The following THOP1 variants were observed in gnomAD, a reference collection of about 807,000 sequenced individuals.
THOP1 encodes the protein thimet oligopeptidase 1.
A neutral mutation model predicts 71.8 loss-of-function variants in THOP1; 49 were observed. The observed-to-expected ratio is 0.68, with a 90% CI of 0.54 to 0.87. The LOEUF (loss-of-function observed/expected upper bound fraction) is 0.87. Among genes scored for constraint, THOP1 ranks in the 40% least tolerant of loss-of-function variants. THOP1 has a pLI of 0.00. For synonymous variants in THOP1, 426 were observed against 421.5 expected, an observed-to-expected ratio of 1.01 and a Z score of -0.13; for missense variants, 843 against 975.6, an observed-to-expected ratio of 0.86 and a Z score of 1.81.
chr19:2,810,099 G>T, intron 9 of THOP1: 1 of 624,440 alleles, frequency 1.6e-6, no homozygotes. Context: ...GCATCTTCAG[G>T]TGTGTCCTGC....
chr19:2,808,169 C>T, intron 8 of THOP1, 74 bp from the exon 9 acceptor site: 1 of 1,483,178 alleles, frequency 6.7e-7, no homozygotes. Context: ...GTCAGGTGGG[C>T]TGAGGGATGC....
Position 2,785,562 on chromosome 19 carries a change from T to TGGCGGCGGTGG in THOP1, c.-92_-91insGGGGCGGCGGT. 7 of 1,359,434 alleles carry TGGCGGCGGTGG rather than the reference T, an allele frequency of 5.1e-6. No individual in the cohort carries two copies. The highest frequency in any genetic ancestry group is 6.8e-6 in the Non-Finnish European group (7 of 1,032,968). 84.2% of individuals were successfully genotyped at this position (1,359,434 alleles called of 1,614,324 possible). A position where few individuals can be genotyped will look rare whatever the true frequency, so the allele number is the denominator to read the frequency against. On this transcript the variant is annotated 5_prime_UTR_variant, in exon 1 of 13. Transcript: ENST00000307741. ...GGTCCTCAGGCGGCCGTGGCGGCGG[T>TGGCGGCGGTGG]GGCGGCGGTTGGGCCGAGGCAGGCG...
Position 2,810,321 on chromosome 19 carries a change from CAGCGGGACCCACGTGG to C in THOP1, c.1482_1497del (p.His495LeufsTer134). On this transcript the variant is annotated frameshift_variant, in exon 10 of 13. Coordinates refer to ENST00000307741, the MANE Select transcript of THOP1 (RefSeq NM_003249.5). LOFTEE classifies it high-confidence loss of function. Reference sequence around the variant, plus strand: ...CCCTGCAGGCGGAGTTCGCCATGTTCAGCGGGACCCACGTGGAGCGGGACTTTGTGGAGGCGCCGTC... The same window carrying C: ...CCCTGCAGGCGGAGTTCGCCATGTTCAGCGGGACTTTGTGGAGGCGCCGTC... The C allele has an allele frequency of 6.2e-7, 1 of 1,611,478 alleles. No homozygotes were observed. Among genetic ancestry groups the C allele is most frequent in the South Asian group, 1.1e-5 (1 of 90,964 alleles).
At chr19:2,800,735 C>A (rs1311930252) in intron 5 of THOP1, among the ~76,000 whole-genome samples, 2 of 152,224 alleles carry the variant, frequency 1.3e-5, no homozygotes, top group Non-Finnish European at 2.9e-5. Flanking sequence ...CAGCTTCTGG[C>A]ACTCAGGAGA....
At chr19:2,800,820 A>G (rs532938597) in intron 5 of THOP1, among the ~76,000 whole-genome samples, 1 of 151,842 alleles carries the variant, frequency 6.6e-6, no homozygotes. Context: ...CACCCGCACC[A>G]TTCCCGCAGC....
In THOP1 at chr19:2,808,246, A is replaced by G. The variant is rs1368418844; in HGVS notation, c.1257A>G (p.Glu419=). 13 of 1,545,628 alleles carry G rather than the reference A, an allele frequency of 8.4e-6. No individual in the cohort carries two copies. Among genetic ancestry groups the G allele is most frequent in the Non-Finnish European group, 4.4e-6 (5 of 1,143,588 alleles). The part of the protein sequence containing the change: ...GKFYLDLYPR[E]GKYGHAACFG... ...CTGACGCTGCCTCCCTCCCCAGGGA[A>G]GGAAAGTACGGGCACGCGGCCTGCT... The change falls in exon 9 of 13, where the codon GAA becomes GAG. Residue 419 remains glutamate (E), a synonymous_variant. Coordinates refer to ENST00000307741, the MANE Select transcript of THOP1 (RefSeq NM_003249.5).
chr19:2,812,654 C>T (rs1410131127), intron 12 of THOP1, among the ~76,000 whole-genome samples: 1 of 152,214 alleles, frequency 6.6e-6, no homozygotes, highest in Non-Finnish European at 1.5e-5. Context: ...TCCTGCGGGG[C>T]TCTGGGGCGT....
chr19:2,791,250 C>T lies in THOP1; in HGVS notation c.229+617C>T, dbSNP rs1255500356. Reference sequence around the variant, plus strand: ...TAGGGACACTGCTTCCCGAGCTCTGCCTAAGGCTGACAGTGTACCTGCCTG... The same window carrying T: ...TAGGGACACTGCTTCCCGAGCTCTGTCTAAGGCTGACAGTGTACCTGCCTG... On this transcript the variant is annotated intron_variant, in intron 2 of 12. Transcript: ENST00000307741. Among the ~76,000 whole-genome samples the T allele has an allele frequency of 2.0e-5, 3 of 152,332 alleles. No homozygotes were observed. In the East Asian group the frequency reaches 5.8e-4, roughly 29 times the overall value.
chr19:2,794,723 G>A (rs758616563), intron 2 of THOP1, 41 bp from the exon 3 acceptor site: 6 of 1,589,226 alleles, frequency 3.8e-6, no homozygotes, highest in Non-Finnish European at 4.3e-6. Context: ...TTGTACTGGG[G>A]CCTGTTCTCA....
chr19:2,810,730 G>A lies in THOP1; in HGVS notation c.1733G>A (p.Arg578Gln), dbSNP rs368835211. The A allele has an allele frequency of 4.2e-5, 67 of 1,598,590 alleles. No individual in the cohort carries two copies. The highest frequency in any genetic ancestry group is 3.5e-4 in the African/African-American group (26 of 74,764). The change falls in exon 11 of 13, where the codon CGG (arginine) becomes CAG (glutamine). Residue 578 changes from arginine to glutamine, a missense_variant. By Grantham distance (43) the Arg-to-Gln change is conservative. Transcript: ENST00000307741. The stretch of plus-strand genomic sequence containing the variant: ...GCAGACCCCGCCGAGGAGTATGCGC[G>A]GCTCTGCCAGGAGATCCTCGGGGTC... ...TDADPAEEYA[R>Q]LCQEILGVPA...
intron 9 of THOP1, 175 bp from the exon 10 acceptor site, chr19:2,810,129 C>A (rs1263084861): frequency 1.3e-6 from 1 of 786,022 alleles, no homozygotes; most frequent in Non-Finnish European, 2.0e-6. Context: ...CAGCCAGCAG[C>A]AGCCCAGGGG....
intron 4 of THOP1, among the ~76,000 whole-genome samples, chr19:2,796,616 G>C (rs1371856041): frequency 6.6e-6 from 1 of 150,530 alleles, no homozygotes; most frequent in African/African-American, 2.4e-5. Flanking sequence ...TGGGCACGGG[G>C]AGTGCTCAGT....
At position 2,807,684 on chromosome 19, in the gene THOP1, C is replaced by T. The variant is rs751370013; in HGVS notation, c.1129C>T (p.Leu377=). The change falls in exon 8 of 13, where the codon CTG becomes TTG. Residue 377 remains leucine, a synonymous_variant. Coordinates refer to ENST00000307741, the MANE Select transcript of THOP1 (RefSeq NM_003249.5). ...GCTGCTGGGCATCTACCAGGAGCTCCTGGGGCTGGCCTTCCACCACGAGGA... is the reference window on the plus strand; with the variant it reads ...GCTGCTGGGCATCTACCAGGAGCTCTTGGGGCTGGCCTTCCACCACGAGGA... ...HGLLGIYQEL[L]GLAFHHEEGA... is the part of the protein sequence containing the mutation. 1 of 1,605,634 alleles carries T rather than the reference C, an allele frequency of 6.2e-7. No individual in the cohort carries two copies. The highest frequency in any genetic ancestry group is 1.1e-5 in the South Asian group (1 of 90,912).
Position 2,798,980 on chromosome 19 carries a change from A to G in THOP1, c.487-709A>G, listed in dbSNP as rs1370267775. Among the ~76,000 whole-genome samples the G allele has an allele frequency of 2.0e-5, 3 of 152,260 alleles. No homozygotes were observed. In the East Asian group the frequency reaches 5.8e-4, roughly 29 times the overall value. ...TCCTTTGTTGATATCCCATATCACC[A>G]GGGTCGAGTTTTAGCTGTTTCTAAA... On this transcript the variant is annotated intron_variant, in intron 4 of 12. Transcript: ENST00000307741.
At chr19:2,798,800 A>C (rs1312311671) in intron 4 of THOP1, among the ~76,000 whole-genome samples, 1 of 152,086 alleles carries the variant, frequency 6.6e-6, no homozygotes, top group Non-Finnish European at 1.5e-5. Context: ...TGGGCTCCAG[A>C]CCCGCCTGGC....
chr19:2,789,206 G>A (rs930417667), intron 1 of THOP1, among the ~76,000 whole-genome samples: 16 of 152,238 alleles, frequency 1.1e-4, no homozygotes, highest in African/African-American at 3.6e-4. Flanking sequence ...ACTGTTTGCT[G>A]GTCCCCTGGG....
At chr19:2,795,804 C>A (rs1197227169) in intron 3 of THOP1, among the ~76,000 whole-genome samples, 1 of 152,198 alleles carries the variant, frequency 6.6e-6, no homozygotes, top group Non-Finnish European at 1.5e-5. Flanking sequence ...CACCCCGATA[C>A]CGACCTGGAG....
At chr19:2,796,963 G>C (rs893033582) in intron 4 of THOP1, among the ~76,000 whole-genome samples, 37 of 152,222 alleles carry the variant, frequency 2.4e-4, no homozygotes, top group African/African-American at 8.0e-4. Flanking sequence ...AGCGTAGTGT[G>C]TTAGCAGAAG....
Position 2,810,434 on chromosome 19 carries a change from G to A in THOP1, c.1586G>A (p.Ser529Asn). 1 of 1,598,918 alleles carries A rather than the reference G, an allele frequency of 6.3e-7. No homozygotes were observed. The highest frequency in any genetic ancestry group is 8.5e-7 in the Non-Finnish European group (1 of 1,175,244). ...ATGTCGCGGCACTACCGCACAGGCA[G>A]CGCCGTGCCCCGGGAGCTCCTGGAG... is the stretch of plus-strand genomic sequence containing the variant. ...LRMSRHYRTG[S>N]AVPRELLEKL... The change falls in exon 10 of 13, where the codon AGC (serine) becomes AAC (asparagine). Residue 529 changes from serine to asparagine, a missense_variant. Ser to Asn is a conservative substitution (Grantham distance 46). Coordinates refer to ENST00000307741, the MANE Select transcript of THOP1 (RefSeq NM_003249.5).
Sources: gnomAD v4.1 joint callset for allele counts (sites outside exome capture counted in the v4.1 genomes callset) on GRCh38, gnomAD v4.1.1 for gene constraint, MANE v1.5 for transcripts, NCBI Gene and HGNC (gene_info 2026-07-23, HGNC 2026-07-21) for gene names.